Variants in WNK1 observed in about 807,000 individuals in gnomAD.
WNK1 encodes the protein WNK lysine deficient protein kinase 1.
A neutral mutation model predicts 222.8 loss-of-function variants in WNK1; 38 were observed. The observed-to-expected ratio is 0.17, with a 90% CI of 0.13 to 0.22. The LOEUF (loss-of-function observed/expected upper bound fraction) is 0.22. WNK1 is among the 10% of genes least tolerant of loss of function. The pLI is 1.00. For missense variants in WNK1, 2,348 were observed against 2,918.4 expected (o/e 0.80, Z 4.50); for synonymous variants, 1,090 against 1,092.9 (o/e 1.00, Z 0.05).
Position 760,480 on chromosome 12 carries a change from A to G in WNK1, c.759+6156A>G, listed in dbSNP as rs1243473771. 2.0e-5 allele frequency among the ~76,000 whole-genome samples: 3 copies of G among 147,718 alleles called. 1 individual carries two copies. The highest frequency in any genetic ancestry group is 4.5e-5 in the Non-Finnish European group (3 of 66,152). Reference sequence around the variant, plus strand: ...ACTGATTTAGGATTGTTGAAGATCCACTGAAATACTATGTGAATGTACTTT... The same window carrying G: ...ACTGATTTAGGATTGTTGAAGATCCGCTGAAATACTATGTGAATGTACTTT... On this transcript the variant is annotated intron_variant, in intron 1 of 27. Transcript: ENST00000315939.
intron 21 of WNK1, among the ~76,000 whole-genome samples, chr12:890,181 G>T (rs1954084560): frequency 6.6e-6 from 1 of 151,748 alleles, no homozygotes; most frequent in South Asian, 2.1e-4. Flanking sequence ...TCGAACTCCT[G>T]ACCTCAAATG....
chr12:774,907 A>G (rs1942931758), intron 1 of WNK1, among the ~76,000 whole-genome samples: 1 of 152,174 alleles, frequency 6.6e-6, no homozygotes, highest in Non-Finnish European at 1.5e-5. Context: ...ATCAGAATGA[A>G]TCCTTTTATA....
intron 26 of WNK1, among the ~76,000 whole-genome samples, chr12:902,894 T>C (rs979202152): frequency 6.6e-6 from 1 of 152,198 alleles, no homozygotes; most frequent in Non-Finnish European, 1.5e-5. Context: ...AAAACCTTTG[T>C]TATAATTTGA....
Position 897,658 on chromosome 12 carries a change from G to A in WNK1, c.6425G>A (p.Gly2142Glu). Residue 2142 changes from glycine to glutamate, a missense_variant, in exon 25 of 28, where the codon GGG (glycine) becomes GAG (glutamate). By Grantham distance (98) the Gly-to-Glu change is moderately conservative. Transcript: ENST00000315939. ...GSKSSRSSSL[G>E]NKSPQLSGNL... ...AAATCTAGTCGAAGCAGTTCCTTGGGGAATAAAAGCCCCCAGCTTTCAGGT... is the reference window on the plus strand; with the variant it reads ...AAATCTAGTCGAAGCAGTTCCTTGGAGAATAAAAGCCCCCAGCTTTCAGGT... 1 of 1,614,166 alleles carries A rather than the reference G, an allele frequency of 6.2e-7. No homozygotes were observed. Among genetic ancestry groups the A allele is most frequent in the African/African-American group, 1.3e-5 (1 of 75,036 alleles).
rs1178074889 is a variant in WNK1 at position 753,746 on chromosome 12, A to G, written c.181A>G (p.Met61Val). Residue 61 changes from methionine (M) to valine (V), a missense_variant, in exon 1 of 28, where the codon ATG (methionine) becomes GTG (valine). Physicochemically the swap from Met to Val is conservative, Grantham distance 21 (BLOSUM62 1). Transcript: ENST00000315939. The surrounding 1 kb of genome is among the most constrained non-coding windows in gnomAD (Gnocchi z 5.2). ...TEEYRRRRHT[M>V]DKDSRGAAAT... ...GGAGTACAGGCGCCGCCGCCACACT[A>G]TGGACAAGGACAGCCGTGGGGCGGC... The G allele has an allele frequency of 2.5e-6, 4 of 1,612,222 alleles. No homozygotes were observed. The highest frequency in any genetic ancestry group is 2.7e-5 in the African/African-American group (2 of 74,994).
chr12:859,486 T>A, intron 6 of WNK1, 22 bp downstream of exon 6: 2 of 1,574,296 alleles, frequency 1.3e-6, no homozygotes, highest in Non-Finnish European at 1.7e-6. Context: ...TTAGCCATTT[T>A]AAAATTGATT....
In WNK1 at chr12:851,285, GT is replaced by G. The variant is rs72648645; in HGVS notation, c.1312-5871del. ...TTCAAAATGATTGGAGGAAGGGAGT[GT>G]TTTTGGTAAATGGGTTTCTAGTGTA... On this transcript the variant is annotated intron_variant, in intron 4 of 27. Coordinates refer to ENST00000315939, the MANE Select transcript of WNK1 (RefSeq NM_018979.4). 72 of 843,882 alleles carry G rather than the reference GT, an allele frequency of 8.5e-5. No individual in the cohort carries two copies. In the African/African-American group the frequency reaches 1.3e-3, roughly 15 times the overall value. The allele number at this position is 843,882 out of a possible 1,614,324, so 52.3% of individuals were successfully genotyped here.
intron 1 of WNK1, among the ~76,000 whole-genome samples, chr12:759,789 G>C (rs1463675824): frequency 6.8e-6 from 1 of 147,812 alleles, no homozygotes; most frequent in African/African-American, 2.4e-5. Flanking sequence ...GTGTCACCTT[G>C]AGCAAGTTTT....
At chr12:902,775 A>T (rs1955375771) in intron 26 of WNK1, among the ~76,000 whole-genome samples, 1 of 152,224 alleles carries the variant, frequency 6.6e-6, no homozygotes, top group Non-Finnish European at 1.5e-5. Context: ...CTTGAAAAGC[A>T]CTCATGGTTT....
At chr12:838,494 A>G (rs1166093273) in intron 4 of WNK1, among the ~76,000 whole-genome samples, 1 of 152,082 alleles carries the variant, frequency 6.6e-6, no homozygotes, top group East Asian at 1.9e-4. Context: ...GGCTCACTGC[A>G]GTTTCCATCT....
rs201158600 is a variant in WNK1, at chr12:778,775, C to T, written c.759+24451C>T. On this transcript the variant is annotated intron_variant, in intron 1 of 27. Coordinates refer to ENST00000315939, the MANE Select transcript of WNK1 (RefSeq NM_018979.4). ...AGGACAGTACATGTAAACTCTAGAA[C>T]GAATTTTAAATTCTTAGTAATACTG... Among the ~76,000 whole-genome samples, 17 of 151,482 alleles carry T rather than the reference C, an allele frequency of 1.1e-4. No homozygotes were observed. In the East Asian group the frequency reaches 2.5e-3, roughly 22 times the overall value.
intron 1 of WNK1, among the ~76,000 whole-genome samples, chr12:807,695 G>A (rs541128755): frequency 1.1e-3 from 157 of 146,762 alleles, no homozygotes; most frequent in African/African-American, 3.8e-3. Flanking sequence ...TTTCCTTCCA[G>A]TAGGGAGCAA....
intron 25 of WNK1, among the ~76,000 whole-genome samples, chr12:899,803 A>G (rs1247523327): frequency 1.3e-5 from 2 of 152,152 alleles, no homozygotes; most frequent in African/African-American, 4.8e-5. Context: ...AAGTCTAAGC[A>G]GAGACTGCCT....
chr12:818,416 C>T (rs919409577), intron 2 of WNK1, among the ~76,000 whole-genome samples: 1 of 152,204 alleles, frequency 6.6e-6, no homozygotes, highest in East Asian at 1.9e-4. Context: ...GCTTCAGTTC[C>T]CCATGTGTAT....
chr12:818,043 A>G (rs1407994596), intron 2 of WNK1, among the ~76,000 whole-genome samples: 1 of 152,238 alleles, frequency 6.6e-6, no homozygotes, highest in African/African-American at 2.4e-5. Context: ...ATATCATACA[A>G]TTAACATTTT....
At chr12:897,947 AGGAT>A (rs1484710216) in intron 25 of WNK1, among the ~76,000 whole-genome samples, 1 of 152,210 alleles carries the variant, frequency 6.6e-6, no homozygotes, top group African/African-American at 2.4e-5. Context: ...GTTATTCTTA[AGGAT>A]AGACATTTAG....
chr12:844,625 C>T (rs538409429), intron 4 of WNK1, among the ~76,000 whole-genome samples: 1 of 152,144 alleles, frequency 6.6e-6, no homozygotes, highest in East Asian at 1.9e-4. Context: ...CTCTACAGTC[C>T]TTAATTCTGC....
chr12:825,895 A>G (rs1485487860), intron 2 of WNK1, among the ~76,000 whole-genome samples: 1 of 152,316 alleles, frequency 6.6e-6, no homozygotes, highest in Middle Eastern at 3.4e-3. Context: ...TTTTTCCTGA[A>G]TATTTCCAGA....
At chr12:862,785 T>C (rs1485238537) in intron 8 of WNK1, among the ~76,000 whole-genome samples, 2 of 152,244 alleles carry the variant, frequency 1.3e-5, no homozygotes, top group Non-Finnish European at 2.9e-5. Flanking sequence ...AGTTGCTGTG[T>C]GTGTTCCTGC....
Sources: gnomAD v4.1 joint callset for allele counts (sites outside exome capture counted in the v4.1 genomes callset) on GRCh38, gnomAD v4.1.1 for gene constraint, Gnocchi (gnomAD v3.1) non-coding constraint, MANE v1.5 for transcripts, NCBI Gene and HGNC (gene_info 2026-07-23, HGNC 2026-07-21) for gene names.